Variants in RAB3GAP2 observed in about 807,000 individuals in gnomAD.
RAB3GAP2 encodes the protein RAB3 GTPase activating non-catalytic protein subunit 2, also known as rab3 GTPase-activating protein non-catalytic subunit.
A neutral mutation model predicts 185.3 loss-of-function variants in RAB3GAP2; 87 were observed. The ratio of observed to expected loss-of-function variants is 0.47; its 90% CI spans 0.39 to 0.56. RAB3GAP2 has a LOEUF of 0.56. RAB3GAP2 is among the 20% of genes least tolerant of loss of function. The pLI is 0.00. For synonymous variants in RAB3GAP2, 554 were observed against 576.1 expected (o/e 0.96, Z 0.55); for missense variants, 1,492 against 1,638.2 (o/e 0.91, Z 1.54).
intron 28 of RAB3GAP2, among the ~76,000 whole-genome samples, chr1:220,160,285 G>A (rs1254266085): frequency 6.6e-6 from 1 of 152,140 alleles, no homozygotes; most frequent in Non-Finnish European, 1.5e-5. Context: ...CTTGATAAGA[G>A]AGGAAACTCA....
At chr1:220,269,257 A>C (rs1320364058) in intron 1 of RAB3GAP2, among the ~76,000 whole-genome samples, 1 of 152,226 alleles carries the variant, frequency 6.6e-6, no homozygotes, top group Non-Finnish European at 1.5e-5. Flanking sequence ...TTAGCCACAA[A>C]TGTGGTTGGC....
Position 220,191,261 on chromosome 1 carries a change from A to G in RAB3GAP2, c.1294T>C (p.Trp432Arg). The change falls in exon 14 of 35, where the codon TGG becomes CGG. Residue 432 changes from tryptophan (W) to arginine (R), a missense_variant. Physicochemically the swap from Trp to Arg is moderately radical, Grantham distance 101. Coordinates refer to ENST00000358951, the MANE Select transcript of RAB3GAP2 (RefSeq NM_012414.4). ...TGGAGGTCCTCTACAGTTTGAATCCATCCAATTTGTGCGTCGCGGTACCCT... is the reference window on the plus strand; with the variant it reads ...TGGAGGTCCTCTACAGTTTGAATCCGTCCAATTTGTGCGTCGCGGTACCCT... ...WKGYRDAQIGWIQTVEDLHER... is the reference protein window; with the variant it reads ...WKGYRDAQIGRIQTVEDLHER... 1 of 1,592,664 alleles carries G rather than the reference A, an allele frequency of 6.3e-7. No individual in the cohort carries two copies. The highest frequency in any genetic ancestry group is 8.6e-7 in the Non-Finnish European group (1 of 1,169,256).
chr1:220,202,275 C>A lies in RAB3GAP2; in HGVS notation c.811+1G>T. 6.2e-7 allele frequency: 1 copy of A among 1,612,684 alleles called. No individual in the cohort carries two copies. Among genetic ancestry groups the A allele is most frequent in the Admixed American group, 1.7e-5 (1 of 59,974 alleles). On this transcript the variant is annotated splice_donor_variant, in intron 9 of 34. Transcript: ENST00000358951. LOFTEE classifies it high-confidence loss of function. ...AGAGAATTTGAATTAGTAATACTTA[C>A]CAACACTAGCATGATCAATAATAGT...
intron 2 of RAB3GAP2, among the ~76,000 whole-genome samples, chr1:220,219,137 C>A (rs1406075162): frequency 6.6e-6 from 1 of 152,136 alleles, no homozygotes; most frequent in African/African-American, 2.4e-5. Flanking sequence ...TCAGGTAAAT[C>A]AAATTTCTTT....
At chr1:220,180,961 T>C (rs1658392959) in intron 21 of RAB3GAP2, among the ~76,000 whole-genome samples, 1 of 152,114 alleles carries the variant, frequency 6.6e-6, no homozygotes. Flanking sequence ...AGATGGACGG[T>C]TCCATCTATA....
intron 1 of RAB3GAP2, chr1:220,254,537 T>C: frequency 6.2e-7 from 1 of 1,611,572 alleles, no homozygotes; most frequent in South Asian, 1.1e-5. Flanking sequence ...CGGAAAGCTG[T>C]GTGAGAGGCA....
At chr1:220,257,966 C>T (rs1660061180) in intron 1 of RAB3GAP2, among the ~76,000 whole-genome samples, 1 of 151,960 alleles carries the variant, frequency 6.6e-6, no homozygotes, top group Non-Finnish European at 1.5e-5. Flanking sequence ...TGTTTATAAA[C>T]ACAGAGAAAT....
At chr1:220,260,730 C>T (rs1660119376) in intron 1 of RAB3GAP2, among the ~76,000 whole-genome samples, 1 of 152,114 alleles carries the variant, frequency 6.6e-6, no homozygotes, top group Admixed American at 6.5e-5. Context: ...ACATCCTACA[C>T]ATGCATCCCT....
At chr1:220,232,891 G>C (rs189549353) in intron 1 of RAB3GAP2, 28 bp from the exon 2 acceptor site, 3 of 1,589,966 alleles carry the variant, frequency 1.9e-6, no homozygotes, top group Non-Finnish European at 2.6e-6. Context: ...AACAATGCTT[G>C]CATGAAATAT....
chr1:220,208,661 T>A (rs1489658758), intron 7 of RAB3GAP2, among the ~76,000 whole-genome samples: 1 of 152,182 alleles, frequency 6.6e-6, no homozygotes, highest in Non-Finnish European at 1.5e-5. Context: ...TAGCTCATTT[T>A]AAAAAAATTG....
At chr1:220,178,923 G>GAAT (rs1213642981) in intron 21 of RAB3GAP2, among the ~76,000 whole-genome samples, 4 of 151,644 alleles carry the variant, frequency 2.6e-5, no homozygotes, top group Non-Finnish European at 5.9e-5. Flanking sequence ...TTAGGCCCAG[G>GAAT]AATAATAATA....
At chr1:220,156,340 CTA>C (rs1401746298) in intron 31 of RAB3GAP2, among the ~76,000 whole-genome samples, 2 of 152,296 alleles carry the variant, frequency 1.3e-5, no homozygotes, top group South Asian at 2.1e-4. Flanking sequence ...CAGTAAAAAG[CTA>C]AGTAATAATG....
In RAB3GAP2 at chr1:220,182,754, T is replaced by C. The variant is rs148513462; in HGVS notation, c.2176A>G (p.Ile726Val). The change falls in exon 20 of 35, where the codon ATA becomes GTA. Residue 726 changes from isoleucine (I) to valine (V), a missense_variant. Coordinates refer to ENST00000358951, the MANE Select transcript of RAB3GAP2 (RefSeq NM_012414.4). ...TATTCCTCTTCACTTATTTTCTTTATGTTGAGCACATCCTTTTCATATTCT... is the reference window on the plus strand; with the variant it reads ...TATTCCTCTTCACTTATTTTCTTTACGTTGAGCACATCCTTTTCATATTCT... ...YLEYEKDVLN[I>V]KKISEEEYVA... The C allele has an allele frequency of 8.0e-5, 129 of 1,610,374 alleles. No homozygotes were observed. The highest frequency in any genetic ancestry group is 4.9e-4 in the African/African-American group (37 of 74,922).
chr1:220,228,033 G>A lies in RAB3GAP2; in HGVS notation c.180+4766C>T, dbSNP rs140875189. ...CTTCCAAAGTGCTGGGATTACAGGC[G>A]TGAGCCACCGCGCCTGGCCTCTATA... On this transcript the variant is annotated intron_variant, in intron 2 of 34. Transcript: ENST00000358951. Among the ~76,000 whole-genome samples the A allele has an allele frequency of 1.7e-3, 266 of 152,296 alleles. 2 individuals are homozygous for A. The highest frequency in any genetic ancestry group is 0.012 in the East Asian group (64 of 5,182).
chr1:220,194,531 T>A (rs774805485), intron 12 of RAB3GAP2, among the ~76,000 whole-genome samples: 2 of 152,150 alleles, frequency 1.3e-5, no homozygotes, highest in Non-Finnish European at 2.9e-5. Context: ...TAGCTGGGAT[T>A]ACAGGCACAT....
intron 2 of RAB3GAP2, among the ~76,000 whole-genome samples, chr1:220,224,529 A>G (rs957757979): frequency 1.3e-5 from 2 of 152,192 alleles, no homozygotes; most frequent in African/African-American, 2.4e-5. Context: ...TAGAAAAAGC[A>G]AGGAGTAGAA....
At chr1:220,169,789 T>C (rs1658140177) in intron 24 of RAB3GAP2, among the ~76,000 whole-genome samples, 3 of 152,210 alleles carry the variant, frequency 2.0e-5, no homozygotes, top group Admixed American at 2.0e-4. Flanking sequence ...TGTCAATCTT[T>C]ATGGTACTAA....
At chr1:220,163,246 T>C (rs1341820851) in intron 27 of RAB3GAP2, among the ~76,000 whole-genome samples, 1 of 152,132 alleles carries the variant, frequency 6.6e-6, no homozygotes, top group Non-Finnish European at 1.5e-5. Flanking sequence ...GCTGAGTCTG[T>C]CTATGAGTAA....
At chr1:220,198,710 C>A (rs1314392317) in intron 9 of RAB3GAP2, among the ~76,000 whole-genome samples, 1 of 152,126 alleles carries the variant, frequency 6.6e-6, no homozygotes, top group Admixed American at 6.5e-5. Flanking sequence ...AATTACATTT[C>A]CTTGGCTGTG....
Sources: gnomAD v4.1 joint callset for allele counts (sites outside exome capture counted in the v4.1 genomes callset) on GRCh38, gnomAD v4.1.1 for gene constraint, MANE v1.5 for transcripts, NCBI Gene and HGNC (gene_info 2026-07-23, HGNC 2026-07-21) for gene names.